Variants in ARV1 observed in about 807,000 individuals in gnomAD.
ARV1 encodes the protein ARV1 fatty acid homeostasis modulator, also known as protein ARV1.
ARV1 carries 26 observed loss-of-function variants against 31.1 expected under a neutral mutation model. The ratio of observed to expected loss-of-function variants is 0.84; its 90% CI spans 0.61 to 1.16. The LOEUF is 1.16. Among genes scored for constraint, ARV1 ranks in the 50% most tolerant of loss-of-function variants. The pLI is 0.00. For synonymous variants in ARV1, 117 were observed against 123.2 expected, an observed-to-expected ratio of 0.95 and a Z score of 0.34; for missense variants, 281 against 324.9, an observed-to-expected ratio of 0.86 and a Z score of 1.04.
chr1:230,981,776 A>G (rs1460602429), intron 1 of ARV1, among the ~76,000 whole-genome samples: 2 of 152,130 alleles, frequency 1.3e-5, no homozygotes, highest in East Asian at 1.9e-4. Context: ...ATAAGGCCCT[A>G]TGGAGTCTCC....
intron 3 of ARV1, 36 bp from the exon 4 acceptor site, chr1:230,995,724 G>A (rs530215705): frequency 7.9e-6 from 12 of 1,512,746 alleles, no homozygotes; most frequent in African/African-American, 1.4e-5. Context: ...TTTTGGATGG[G>A]GACATTCATA....
chr1:230,990,023 T>A, intron 2 of ARV1, 87 bp from the exon 3 acceptor site: 1 of 1,343,732 alleles, frequency 7.4e-7, no homozygotes. Flanking sequence ...AGTGACTAGG[T>A]GGGATGCCAC....
intron 2 of ARV1, among the ~76,000 whole-genome samples, chr1:230,989,441 C>G (rs934000355): frequency 6.6e-6 from 1 of 152,154 alleles, no homozygotes; most frequent in Non-Finnish European, 1.5e-5. Context: ...CCAGCTCTTC[C>G]TCACTTTATA....
chr1:230,991,480 C>T (rs561888728), intron 3 of ARV1, among the ~76,000 whole-genome samples: 22 of 152,290 alleles, frequency 1.4e-4, no homozygotes, highest in African/African-American at 5.3e-4. Flanking sequence ...CTCTCTGCCT[C>T]TACCACAGCC....
chr1:230,987,093 CTAT>C (rs1303403745), intron 1 of ARV1, among the ~76,000 whole-genome samples: 15 of 151,996 alleles, frequency 9.9e-5, no homozygotes, highest in African/African-American at 4.8e-5. Context: ...TGCTTTGGGG[CTAT>C]TATTAAGTCA....
chr1:230,980,325 G>A (rs1013798829), intron 1 of ARV1, among the ~76,000 whole-genome samples: 2 of 132,574 alleles, frequency 1.5e-5, no homozygotes, highest in East Asian at 5.5e-4. Flanking sequence ...ATCTTATTTC[G>A]GTTTTTTTTT....
intron 3 of ARV1, chr1:230,990,678 C>T (rs1051866766): frequency 2.8e-6 from 1 of 351,710 alleles, no homozygotes; most frequent in South Asian, 2.2e-5. Context: ...CCTCGGCCCC[C>T]CCAGGTAGCT....
chr1:230,994,616 A>G (rs528268048), intron 3 of ARV1, among the ~76,000 whole-genome samples: 277 of 146,924 alleles, frequency 1.9e-3, no homozygotes, highest in Admixed American at 3.8e-3. Context: ...ATCTCGGCTC[A>G]CTGCAAGCTC....
intron 5 of ARV1, among the ~76,000 whole-genome samples, chr1:230,997,619 G>C (rs1021463685): frequency 3.9e-5 from 6 of 152,078 alleles, no homozygotes; most frequent in Non-Finnish European, 8.8e-5. Flanking sequence ...CCCCATGCCA[G>C]GTTTTTGCTG....
intron 3 of ARV1, among the ~76,000 whole-genome samples, chr1:230,992,205 C>T (rs80221693): frequency 0.02 from 3,107 of 152,236 alleles, 41 homozygotes; most frequent in Middle Eastern, 0.034. Context: ...CCTCCCACTG[C>T]GTCTCTCATT....
intron 4 of ARV1, among the ~76,000 whole-genome samples, 169 bp from the exon 5 acceptor site, chr1:230,996,952 C>T (rs186866192): frequency 1.3e-5 from 2 of 152,168 alleles, no homozygotes; most frequent in East Asian, 3.9e-4. Flanking sequence ...CTTTGGTTCT[C>T]TAAAAATGTG....
chr1:230,991,287 T>C (rs987146578), intron 3 of ARV1, among the ~76,000 whole-genome samples: 1 of 152,170 alleles, frequency 6.6e-6, no homozygotes, highest in African/African-American at 2.4e-5. Context: ...CTGTGTGTCT[T>C]CTTTTGTCCT....
At position 230,998,745 on chromosome 1, in the gene ARV1, G is replaced by GAAA. The variant is rs75089395; in HGVS notation, c.*5-1381_*5-1379dup. ...ACATAGTGAGACCCCATCTTTACAG[G>GAAA]AAAAAAAAAAAAAACAATAGCTGGG... On this transcript the variant is annotated intron_variant, in intron 5 of 5. Coordinates refer to ENST00000310256, the MANE Select transcript of ARV1 (RefSeq NM_022786.3). Among the ~76,000 whole-genome samples the GAAA allele has an allele frequency of 6.3e-3, 849 of 135,720 alleles. 6 individuals carry two copies. Among genetic ancestry groups the GAAA allele is most frequent in the African/African-American group, 0.021 (791 of 37,118 alleles). The allele number at this position is 135,720 out of a possible 152,430, so 89.0% of individuals were successfully genotyped here.
chr1:230,989,986 C>A, intron 2 of ARV1, 124 bp from the exon 3 acceptor site: 2 of 973,162 alleles, frequency 2.1e-6, no homozygotes, highest in Non-Finnish European at 3.0e-6. Context: ...CAATTAGCCA[C>A]TTAATTGGGC....
At chr1:230,989,676 C>G (rs1679176280) in intron 2 of ARV1, among the ~76,000 whole-genome samples, 1 of 152,128 alleles carries the variant, frequency 6.6e-6, no homozygotes, top group Non-Finnish European at 1.5e-5. Flanking sequence ...CAGATTAAGT[C>G]TATTCTCTTA....
At chr1:230,984,166 C>G (rs1037408967) in intron 1 of ARV1, among the ~76,000 whole-genome samples, 1 of 152,198 alleles carries the variant, frequency 6.6e-6, no homozygotes, top group African/African-American at 2.4e-5. Context: ...GGGAGGATCA[C>G]TTGAGCCAGG....
intron 2 of ARV1, 125 bp downstream of exon 2, chr1:230,988,564 G>A (rs41307696): frequency 0.087 from 70,896 of 813,650 alleles, 3,624 homozygotes; most frequent in South Asian, 0.16. Flanking sequence ...ATGTGAGAGT[G>A]GGTCTTTTAT....
intron 4 of ARV1, 145 bp from the exon 5 acceptor site, chr1:230,996,976 G>A: frequency 1.1e-6 from 1 of 933,454 alleles, no homozygotes; most frequent in Non-Finnish European, 1.6e-6. Context: ...ATGGAAAAGT[G>A]GGAGAAGGTA....
intron 1 of ARV1, among the ~76,000 whole-genome samples, chr1:230,983,737 A>T (rs936635449): frequency 2.6e-5 from 4 of 152,342 alleles, no homozygotes; most frequent in African/African-American, 9.6e-5. Context: ...AAGAGATCTG[A>T]TTCATTAGGC....
Sources: allele counts gnomAD v4.1 joint callset (sites outside exome capture counted in the v4.1 genomes callset), GRCh38; gene constraint gnomAD v4.1.1; transcripts MANE v1.5; gene names NCBI Gene and HGNC (gene_info 2026-07-23, HGNC 2026-07-21).